The following SLC25A40 variants were observed in gnomAD, a reference collection of about 807,000 sequenced individuals.
The protein encoded by SLC25A40 is mitochondrial glutathione transporter SLC25A40.
In SLC25A40, 41 loss-of-function variants were observed where a neutral mutation model predicts 46.5. The observed-to-expected ratio is 0.88, with a 90% CI of 0.69 to 1.14. The LOEUF is 1.14. Among genes scored for constraint, SLC25A40 ranks in the 50% most tolerant of loss-of-function variants. The pLI, the probability that SLC25A40 is intolerant of heterozygous loss-of-function variation, is 0.00. For missense variants in SLC25A40, 386 were observed against 393.6 expected (o/e 0.98, Z 0.16); for synonymous variants, 126 against 127.5 (o/e 0.99, Z 0.08).
chr7:87,846,891 T>C, intron 8 of SLC25A40, 58 bp downstream of exon 8: 4 of 1,382,042 alleles, frequency 2.9e-6, no homozygotes, highest in Admixed American at 2.4e-5. Context: ...GTGACAGTAA[T>C]ATTTGAATGA....
chr7:87,838,568 T>A (rs1838288570), intron 10 of SLC25A40, among the ~76,000 whole-genome samples: 1 of 151,604 alleles, frequency 6.6e-6, no homozygotes, highest in Non-Finnish European at 1.5e-5. Context: ...AAATTTATTA[T>A]ATCATAATAC....
chr7:87,849,623 T>C (rs1420982077), intron 6 of SLC25A40, among the ~76,000 whole-genome samples: 1 of 152,260 alleles, frequency 6.6e-6, no homozygotes, highest in Non-Finnish European at 1.5e-5. Flanking sequence ...CAACTCCTGA[T>C]GTGCCTTTTT....
At chr7:87,839,600 A>G (rs1838302168) in intron 10 of SLC25A40, among the ~76,000 whole-genome samples, 1 of 151,708 alleles carries the variant, frequency 6.6e-6, no homozygotes, top group Admixed American at 6.6e-5. Flanking sequence ...ACACACTCAT[A>G]AATTAGGTAA....
rs1838650463 is a variant in SLC25A40, at chr7:87,858,641, T to C, written c.87A>G (p.Thr29=). The change falls in exon 3 of 12, where the codon ACA becomes ACG. Residue 29 remains threonine (T), a synonymous_variant. Transcript: ENST00000341119. Reference sequence around the variant, plus strand: ...GTAACATAATTTTACCTATTACTGATGTCAGTATAGCTCCAGTACATGAGG... The same window carrying C: ...GTAACATAATTTTACCTATTACTGACGTCAGTATAGCTCCAGTACATGAGG... The part of the protein sequence containing the change: ...MLASCTGAIL[T]SVIVTPLDVV... 4 of 1,577,338 alleles carry C rather than the reference T, an allele frequency of 2.5e-6. No individual in the cohort carries two copies. The Middle Eastern group carries it at 5.1e-4, about 200-fold the overall frequency.
At chr7:87,856,107 A>C (rs1479681916) in intron 4 of SLC25A40, among the ~76,000 whole-genome samples, 185 bp downstream of exon 4, 1 of 151,962 alleles carries the variant, frequency 6.6e-6, no homozygotes, top group Non-Finnish European at 1.5e-5. Flanking sequence ...TATAAATATT[A>C]TGTATTTATT....
chr7:87,843,558 T>TA (rs1166270143), intron 9 of SLC25A40, among the ~76,000 whole-genome samples, 196 bp downstream of exon 9: 1 of 152,060 alleles, frequency 6.6e-6, no homozygotes, highest in Non-Finnish European at 1.5e-5. Flanking sequence ...TTTTGTAACA[T>TA]AAAAACAAAT....
chr7:87,863,096 G>A (rs1303728114), intron 1 of SLC25A40, among the ~76,000 whole-genome samples: 1 of 152,112 alleles, frequency 6.6e-6, no homozygotes, highest in Non-Finnish European at 1.5e-5. Flanking sequence ...CTCTTCTGTA[G>A]TATGTCCATT....
chr7:87,847,641 C>A (rs932442024), intron 7 of SLC25A40, among the ~76,000 whole-genome samples: 5 of 152,138 alleles, frequency 3.3e-5, no homozygotes, highest in African/African-American at 1.2e-4. Flanking sequence ...CATGATTTGA[C>A]CAAAATAGGC....
Position 87,840,366 on chromosome 7 carries a change from T to C in SLC25A40, c.823+1267A>G, listed in dbSNP as rs149924638. ...AGGGTGATGTCCAGCTGTAGGTATA[T>C]TGAATAAGCACCTCAGGTGACTCCA... On this transcript the variant is annotated intron_variant, in intron 10 of 11. Coordinates refer to ENST00000341119, the MANE Select transcript of SLC25A40 (RefSeq NM_018843.4). Among the ~76,000 whole-genome samples the C allele has an allele frequency of 1.2e-3, 184 of 151,780 alleles. 1 individual carries two copies. Among genetic ancestry groups the C allele is most frequent in the African/African-American group, 4.4e-3 (181 of 41,482 alleles).
At chr7:87,858,923 A>C (rs1838654886) in intron 2 of SLC25A40, among the ~76,000 whole-genome samples, 172 bp from the exon 3 acceptor site, 1 of 152,188 alleles carries the variant, frequency 6.6e-6, no homozygotes, top group Non-Finnish European at 1.5e-5. Flanking sequence ...TGAGTCTGTG[A>C]ACTCAGCCTC....
chr7:87,834,699 T>C lies in SLC25A40; in HGVS notation c.*1550A>G, dbSNP rs1838234527. 1 of 151,672 alleles carries C rather than the reference T, an allele frequency of 6.6e-6. No individual in the cohort carries two copies. Among genetic ancestry groups the C allele is most frequent in the Admixed American group, 6.6e-5 (1 of 15,158 alleles). 9.4% of individuals were successfully genotyped at this position (151,672 alleles called of 1,614,324 possible). ...ACCAAGATAAATTTAAATTTAATAT[T>C]GTTAAAGAGCACTGTTCAAGATAAA... On this transcript the variant is annotated 3_prime_UTR_variant, in exon 12 of 12. Coordinates refer to ENST00000341119, the MANE Select transcript of SLC25A40 (RefSeq NM_018843.4).
chr7:87,844,601 A>G (rs1838384158), intron 8 of SLC25A40, among the ~76,000 whole-genome samples: 1 of 152,102 alleles, frequency 6.6e-6, no homozygotes, highest in Non-Finnish European at 1.5e-5. Flanking sequence ...TGATGATATA[A>G]AACAGTTCAA....
chr7:87,841,804 G>T, intron 9 of SLC25A40, 90 bp from the exon 10 acceptor site: 1 of 662,594 alleles, frequency 1.5e-6, no homozygotes. Context: ...TATTATTTAA[G>T]GATAATGAAA....
At chr7:87,854,376 C>A in intron 4 of SLC25A40, 66 bp from the exon 5 acceptor site, 2 of 903,110 alleles carry the variant, frequency 2.2e-6, no homozygotes, top group Non-Finnish European at 3.4e-6. Flanking sequence ...TACAGATGAA[C>A]AAATTGACAT....
At chr7:87,847,669 G>A (rs1280968541) in intron 7 of SLC25A40, among the ~76,000 whole-genome samples, 184 bp downstream of exon 7, 1 of 152,136 alleles carries the variant, frequency 6.6e-6, no homozygotes, top group Non-Finnish European at 1.5e-5. Flanking sequence ...ATCTCATTCT[G>A]ATGGTAATCA....
At chr7:87,863,786 A>G (rs1462345984) in intron 1 of SLC25A40, among the ~76,000 whole-genome samples, 1 of 152,116 alleles carries the variant, frequency 6.6e-6, no homozygotes, top group Non-Finnish European at 1.5e-5. Flanking sequence ...TTACTCAACG[A>G]TCAAACACTA....
At chr7:87,868,016 G>A (rs1175449753) in intron 1 of SLC25A40, among the ~76,000 whole-genome samples, 1 of 152,200 alleles carries the variant, frequency 6.6e-6, no homozygotes, top group South Asian at 2.1e-4. Context: ...TTCAGTTATA[G>A]AGCAGAGTTT....
At chr7:87,841,133 A>G (rs1838325785) in intron 10 of SLC25A40, among the ~76,000 whole-genome samples, 1 of 142,910 alleles carries the variant, frequency 7.0e-6, no homozygotes, top group African/African-American at 2.5e-5. Flanking sequence ...TAAAAACAAA[A>G]TGTGTGTGTG....
chr7:87,844,640 C>A (rs1838384740), intron 8 of SLC25A40, among the ~76,000 whole-genome samples: 1 of 151,260 alleles, frequency 6.6e-6, no homozygotes, highest in Non-Finnish European at 1.5e-5. Flanking sequence ...TATATCCAAA[C>A]CAAAAAAATA....
Sources: gnomAD v4.1 joint callset for allele counts (sites outside exome capture counted in the v4.1 genomes callset) on GRCh38, gnomAD v4.1.1 for gene constraint, MANE v1.5 for transcripts, NCBI Gene and HGNC (gene_info 2026-07-23, HGNC 2026-07-21) for gene names.